PARP1: variants seen among roughly 807,000 people sequenced by gnomAD.
The protein encoded by PARP1 is poly(ADP-ribose) polymerase 1.
Under a neutral mutation model 118.7 loss-of-function variants are expected in PARP1, and 44 were observed. The observed-to-expected ratio is 0.37, with a 90% confidence interval of 0.29 to 0.48. The LOEUF (loss-of-function observed/expected upper bound fraction) is 0.48, where lower values mean the gene tolerates loss of function less well. Among genes scored for constraint, PARP1 ranks in the 20% least tolerant of loss-of-function variants. PARP1 has a pLI of 0.99. For synonymous variants in PARP1, 492 were observed against 483.2 expected (o/e 1.02, Z -0.24); for missense variants, 1,100 against 1,272.4 (o/e 0.86, Z 2.06).
intron 13 of PARP1, 44 bp downstream of exon 13, chr1:226,377,064 T>C (rs1390149923): frequency 6.5e-7 from 1 of 1,538,424 alleles, no homozygotes; most frequent in Admixed American, 1.7e-5. Context: ...AGGTGTCCCT[T>C]CCTTTTCCTA....
At chr1:226,402,029 A>G (rs537996703) in intron 2 of PARP1, 185 bp downstream of exon 2, 27 of 1,508,970 alleles carry the variant, frequency 1.8e-5, no homozygotes, top group African/African-American at 1.5e-4. Flanking sequence ...AAAATACCAA[A>G]TATCATGCAA....
chr1:226,377,670 A>G (rs537744217), intron 12 of PARP1, among the ~76,000 whole-genome samples: 1 of 152,286 alleles, frequency 6.6e-6, no homozygotes, highest in Non-Finnish European at 1.5e-5. Flanking sequence ...CAACCCTTAC[A>G]GCTGTACCCT....
intron 13 of PARP1, among the ~76,000 whole-genome samples, chr1:226,376,763 C>A (rs1664495349): frequency 6.6e-6 from 1 of 152,138 alleles, no homozygotes. Context: ...GGATAAATCC[C>A]ACTTGGGAGT....
chr1:226,368,565 C>T (rs886166320), intron 15 of PARP1, among the ~76,000 whole-genome samples: 4 of 152,120 alleles, frequency 2.6e-5, no homozygotes, highest in Non-Finnish European at 4.4e-5. Flanking sequence ...TTCATTTGTA[C>T]AAAGAACTGT....
Position 226,376,348 on chromosome 1 carries a change from CTG to C in PARP1, c.1941+758_1941+759del, listed in dbSNP as rs1460552658. ...ATGTCAACCAATAGACAAATGAATG[CTG>C]TGTGCTAACAGATGTAAGGAGACGC... On this transcript the variant is annotated intron_variant, in intron 13 of 22. Transcript: ENST00000366794. Among the ~76,000 whole-genome samples the C allele has an allele frequency of 3.9e-5, 6 of 152,142 alleles. No individual in the cohort carries two copies. The South Asian group carries it at 1.2e-3, about 32-fold the overall frequency.
chr1:226,377,050 A>G, intron 13 of PARP1, 58 bp downstream of exon 13: 2 of 1,444,110 alleles, frequency 1.4e-6, no homozygotes, highest in Non-Finnish European at 1.9e-6. Flanking sequence ...GATTTTCTAG[A>G]ATAAGGTGTC....
At chr1:226,364,735 T>C (rs1405719392) in intron 19 of PARP1, among the ~76,000 whole-genome samples, 2 of 152,256 alleles carry the variant, frequency 1.3e-5, no homozygotes, top group Non-Finnish European at 2.9e-5. Flanking sequence ...CAGCTTGGCC[T>C]GTAGCCACGT....
At chr1:226,388,797 A>C in intron 4 of PARP1, 42 bp from the exon 5 acceptor site, 1 of 1,448,754 alleles carries the variant, frequency 6.9e-7, no homozygotes, top group East Asian at 2.3e-5. Context: ...AGAGCCATTA[A>C]AAGTCTGACA....
At chr1:226,390,703 G>T in intron 3 of PARP1, 79 bp from the exon 4 acceptor site, 3 of 1,347,354 alleles carry the variant, frequency 2.2e-6, no homozygotes, top group Non-Finnish European at 1.0e-6. Context: ...CTGTGCTCCA[G>T]CCAGTGAGGA....
chr1:226,361,436 G>C lies in PARP1; in HGVS notation c.*24C>G. 2 of 1,521,806 alleles carry C rather than the reference G, an allele frequency of 1.3e-6. No individual in the cohort carries two copies. The highest frequency in any genetic ancestry group is 1.8e-6 in the Non-Finnish European group (2 of 1,096,382). 94.3% of individuals were successfully genotyped at this position (1,521,806 alleles called of 1,614,324 possible). A position where few individuals can be genotyped will look rare whatever the true frequency, so the allele number is the denominator to read the frequency against. On this transcript the variant is annotated 3_prime_UTR_variant, in exon 23 of 23. Transcript: ENST00000366794. ...GGTGAATTCATACCAGAGCCACCGG[G>C]TGTGACTCGGCTACCTCTCCCAATT...
intron 2 of PARP1, among the ~76,000 whole-genome samples, chr1:226,399,517 G>A (rs180932376): frequency 6.6e-6 from 1 of 152,296 alleles, no homozygotes; most frequent in East Asian, 1.9e-4. Flanking sequence ...GAGGTTAGAG[G>A]GGAGGGAGGA....
intron 8 of PARP1, among the ~76,000 whole-genome samples, chr1:226,382,595 T>C (rs926406695): frequency 3.3e-5 from 5 of 152,180 alleles, no homozygotes; most frequent in South Asian, 2.1e-4. Flanking sequence ...AGCGTGATCA[T>C]AGCTCAGTGC....
At position 226,377,135 on chromosome 1, in the gene PARP1, G is replaced by T. The variant is rs13306137; in HGVS notation, c.1914C>A (p.Phe638Leu). The change falls in exon 13 of 23, where the codon TTC becomes TTA. Residue 638 changes from phenylalanine (F) to leucine (L), a missense_variant. Coordinates refer to ENST00000366794, the MANE Select transcript of PARP1 (RefSeq NM_001618.4). ...GGCCATAGTCAATCTCCAGGGGGTA[G>T]AACTTTTTGGGATACTTCGTGAAAT... ...SKNFTKYPKK[F>L]YPLEIDYGQD... is the part of the protein sequence containing the mutation. The T allele has an allele frequency of 1.2e-6, 2 of 1,613,904 alleles. No individual in the cohort carries two copies. Among genetic ancestry groups the T allele is most frequent in the Admixed American group, 1.7e-5 (1 of 59,998 alleles).
intron 2 of PARP1, among the ~76,000 whole-genome samples, chr1:226,393,219 A>C (rs1463719371): frequency 6.6e-6 from 1 of 152,238 alleles, no homozygotes; most frequent in African/African-American, 2.4e-5. Context: ...AGGCAAGGAC[A>C]CTGGTATTTA....
At chr1:226,385,815 A>G in intron 6 of PARP1, 135 bp from the exon 7 acceptor site, 1 of 818,448 alleles carries the variant, frequency 1.2e-6, no homozygotes, top group Non-Finnish European at 2.1e-6. Flanking sequence ...TGGGCTTGCT[A>G]TGGGGCTCTT....
At chr1:226,378,705 C>T (rs1664541009) in intron 12 of PARP1, among the ~76,000 whole-genome samples, 2 of 152,110 alleles carry the variant, frequency 1.3e-5, no homozygotes, top group South Asian at 4.1e-4. Flanking sequence ...CATGGTGGTG[C>T]GCACCTATAG....
intron 2 of PARP1, among the ~76,000 whole-genome samples, chr1:226,399,551 T>C (rs1040643515): frequency 6.6e-6 from 1 of 152,158 alleles, no homozygotes; most frequent in Non-Finnish European, 1.5e-5. Flanking sequence ...GCACAGAGAT[T>C]TCCCAGGCAG....
intron 7 of PARP1, 69 bp from the exon 8 acceptor site, chr1:226,383,252 G>T: frequency 7.9e-7 from 1 of 1,262,198 alleles, no homozygotes; most frequent in Non-Finnish European, 1.2e-6. Context: ...AGACCAAAGA[G>T]GATTTGGCTT....
At chr1:226,405,881 C>T (rs1041821312) in intron 1 of PARP1, among the ~76,000 whole-genome samples, 3 of 151,954 alleles carry the variant, frequency 2.0e-5, no homozygotes, top group South Asian at 2.1e-4. Context: ...TTTGTGGGGC[C>T]GAGGTGCATG....
Sources: gnomAD v4.1 joint callset for allele counts (sites outside exome capture counted in the v4.1 genomes callset) on GRCh38, gnomAD v4.1.1 for gene constraint, MANE v1.5 for transcripts, NCBI Gene and HGNC (gene_info 2026-07-23, HGNC 2026-07-21) for gene names.